Variants in PLEKHA5 observed in about 807,000 individuals in gnomAD.
The protein encoded by PLEKHA5 is pleckstrin homology domain-containing family A member 5.
PLEKHA5 carries 55 observed loss-of-function variants against 181.9 expected under a neutral mutation model. The ratio of observed to expected loss-of-function variants is 0.30; its 90% confidence interval spans 0.24 to 0.38. The LOEUF (loss-of-function observed/expected upper bound fraction) is 0.38, where lower values mean the gene tolerates loss of function less well. Among genes scored for constraint, PLEKHA5 ranks in the 10% least tolerant of loss-of-function variants. The probability of loss-of-function intolerance (pLI) is 1.00; values close to 1 mark genes in which losing one functional copy is unlikely to be tolerated. For synonymous variants in PLEKHA5, 535 were observed against 529.4 expected (o/e 1.01, Z -0.15); for missense variants, 1,432 against 1,549.5 (o/e 0.92, Z 1.27).
chr12:19,288,148 C>A (rs7960486), intron 13 of PLEKHA5: 37,058 of 289,638 alleles, frequency 0.13, 2,741 homozygotes, highest in South Asian at 0.17. Context: ...ATTCCCTTAT[C>A]CTTAAAACAG....
chr12:19,287,429 A>G lies in PLEKHA5; in HGVS notation c.1780-44A>G, dbSNP rs768897682. 6 of 1,225,540 alleles carry G rather than the reference A, an allele frequency of 4.9e-6. No individual in the cohort carries two copies. The South Asian group carries it at 5.1e-5, about 11-fold the overall frequency. 75.9% of individuals were successfully genotyped at this position (1,225,540 alleles called of 1,614,324 possible). A position where few individuals can be genotyped will look rare whatever the true frequency, so the allele number is the denominator to read the frequency against. ...CTCCTTGCTGACATTGATAAGAAAA[A>G]AAAAACTTTACCACAGAATTACATT... On this transcript the variant is annotated intron_variant, in intron 12 of 31. Transcript: ENST00000429027.
At chr12:19,306,572 A>T in intron 15 of PLEKHA5, 1 of 781,850 alleles carries the variant, frequency 1.3e-6, no homozygotes, top group Non-Finnish European at 2.3e-6. Context: ...CGTCCCCAGC[A>T]CTGCGGATCC....
intron 20 of PLEKHA5, among the ~76,000 whole-genome samples, chr12:19,323,196 C>G (rs1357811271): frequency 6.6e-6 from 1 of 151,936 alleles, no homozygotes; most frequent in African/African-American, 2.4e-5. Flanking sequence ...GAGTGTTTTA[C>G]AGGGGAGATG....
At chr12:19,211,539 C>T (rs1352224040) in intron 3 of PLEKHA5, among the ~76,000 whole-genome samples, 1 of 152,116 alleles carries the variant, frequency 6.6e-6, no homozygotes, top group Non-Finnish European at 1.5e-5. Flanking sequence ...TGGAATCCCT[C>T]TCAACACCTT....
At chr12:19,148,319 A>C (rs2039480113) in intron 3 of PLEKHA5, among the ~76,000 whole-genome samples, 1 of 152,236 alleles carries the variant, frequency 6.6e-6, no homozygotes, top group Non-Finnish European at 1.5e-5. Context: ...GGCCTCCCAA[A>C]GTGCTGGGAT....
At chr12:19,217,642 C>T (rs745432471) in intron 3 of PLEKHA5, among the ~76,000 whole-genome samples, 4 of 152,152 alleles carry the variant, frequency 2.6e-5, no homozygotes, top group Non-Finnish European at 5.9e-5. Context: ...GAATTCAGTG[C>T]TGCGGAAGCC....
chr12:19,351,960 C>A (rs2094614087), intron 25 of PLEKHA5, among the ~76,000 whole-genome samples: 1 of 151,274 alleles, frequency 6.6e-6, no homozygotes, highest in Non-Finnish European at 1.5e-5. Flanking sequence ...CCTGTAATCC[C>A]AGTTACTCAG....
intron 30 of PLEKHA5, among the ~76,000 whole-genome samples, chr12:19,367,625 G>A (rs1592660092): frequency 6.6e-6 from 1 of 151,588 alleles, no homozygotes; most frequent in East Asian, 1.9e-4. Flanking sequence ...TGTTGCCCAG[G>A]CTGGAGTGCA....
Position 19,320,023 on chromosome 12 carries a change from C to G in PLEKHA5, c.2121C>G (p.Phe707Leu). 8.2e-6 allele frequency: 11 copies of G among 1,334,200 alleles called. No homozygotes were observed. The highest frequency in any genetic ancestry group is 1.1e-5 in the Non-Finnish European group (11 of 976,316). 82.6% of individuals were successfully genotyped at this position (1,334,200 alleles called of 1,614,324 possible). A position where few individuals can be genotyped will look rare whatever the true frequency, so the allele number is the denominator to read the frequency against. ...CCTTTTCCTTCATTATCTTTTAGTT[C>G]TTAAGACAGAAGAGCAAGATAAGTC... ...SALRPQLYQQ[F>L]LRQKSKISLY... Residue 707 changes from phenylalanine to leucine, a missense_variant and splice_region_variant, in exon 17 of 32, where the codon TTC (phenylalanine) becomes TTG (leucine). This residue lies in a region of PLEKHA5 where 1,143 missense variants were observed against 1,168.4 expected (regional missense o/e 0.98). Transcript: ENST00000429027.
At chr12:19,211,357 G>T (rs1247602574) in intron 3 of PLEKHA5, among the ~76,000 whole-genome samples, 3 of 152,092 alleles carry the variant, frequency 2.0e-5, no homozygotes, top group African/African-American at 4.8e-5. Context: ...TGATCTTGGT[G>T]GGGAGGGCGG....
rs545694912 is a variant in PLEKHA5 at position 19,226,161 on chromosome 12, T to G, written c.228-27779T>G. 3.9e-5 allele frequency among the ~76,000 whole-genome samples: 6 copies of G among 152,304 alleles called. No individual in the cohort carries two copies. In the South Asian group the frequency reaches 1.2e-3, roughly 32 times the overall value. On this transcript the variant is annotated intron_variant, in intron 3 of 31. Coordinates refer to ENST00000429027, the MANE Select transcript of PLEKHA5 (RefSeq NM_001256470.2). The stretch of plus-strand genomic sequence containing the variant: ...CTTTCTGTCTCTATGGATTTACTAT[T>G]TGGGGCATTTCTTATAAATGAAATT...
rs187089855 is a variant in PLEKHA5 at position 19,325,931 on chromosome 12, C to T, written c.2448+3264C>T. ...CTGAGACAGGAGAATCGCTTGAACC[C>T]GGGAGGCTGAGGTTGCGGTAAGCCG... On this transcript the variant is annotated intron_variant, in intron 20 of 31. Transcript: ENST00000429027. Among the ~76,000 whole-genome samples, 56 of 152,016 alleles carry T rather than the reference C, an allele frequency of 3.7e-4. No homozygotes were observed. In the South Asian group the frequency reaches 8.1e-3, roughly 22 times the overall value.
At chr12:19,358,998 C>T (rs2095090033) in intron 27 of PLEKHA5, among the ~76,000 whole-genome samples, 1 of 152,196 alleles carries the variant, frequency 6.6e-6, no homozygotes, top group African/African-American at 2.4e-5. Flanking sequence ...TCAGTAGCTT[C>T]TGTCTGGTCT....
intron 3 of PLEKHA5, among the ~76,000 whole-genome samples, chr12:19,218,843 T>A (rs1420211940): frequency 1.3e-5 from 2 of 151,438 alleles, no homozygotes; most frequent in Admixed American, 6.6e-5. Flanking sequence ...TTCTGTTACA[T>A]TTTCCTCTAT....
Position 19,168,020 on chromosome 12 carries a change from G to A in PLEKHA5, c.227+35570G>A, listed in dbSNP as rs549799185. Among the ~76,000 whole-genome samples, 43 of 152,258 alleles carry A rather than the reference G, an allele frequency of 2.8e-4. 1 individual carries two copies. The South Asian group carries it at 7.5e-3, about 26-fold the overall frequency. ...GAAAGTATGATATGTATATCGGTTAGTGGAGAGACTAAAACTACTTCATAC... is the reference window on the plus strand; with the variant it reads ...GAAAGTATGATATGTATATCGGTTAATGGAGAGACTAAAACTACTTCATAC... On this transcript the variant is annotated intron_variant, in intron 3 of 31. Transcript: ENST00000429027.
At chr12:19,298,488 C>T (rs1225064114) in intron 15 of PLEKHA5, among the ~76,000 whole-genome samples, 1 of 147,098 alleles carries the variant, frequency 6.8e-6, no homozygotes, top group Non-Finnish European at 1.5e-5. Flanking sequence ...CCTGCCTCAG[C>T]CTCCCGAGTA....
At chr12:19,209,569 T>A (rs770911083) in intron 3 of PLEKHA5, among the ~76,000 whole-genome samples, 3 of 152,156 alleles carry the variant, frequency 2.0e-5, no homozygotes, top group Non-Finnish European at 4.4e-5. Flanking sequence ...AGAGCAGAGC[T>A]TCCAGTGGAA....
At chr12:19,261,643 G>T (rs2068533217) in intron 7 of PLEKHA5, among the ~76,000 whole-genome samples, 1 of 152,144 alleles carries the variant, frequency 6.6e-6, no homozygotes, top group African/African-American at 2.4e-5. Flanking sequence ...GGAAAAGTCT[G>T]TCTCAGCTAT....
chr12:19,226,045 C>T (rs926162142), intron 3 of PLEKHA5, among the ~76,000 whole-genome samples: 5 of 152,030 alleles, frequency 3.3e-5, no homozygotes, highest in East Asian at 1.9e-4. Flanking sequence ...TAAAAGTAAC[C>T]GTTTTAAAAT....
Sources: gnomAD v4.1 joint callset for allele counts (sites outside exome capture counted in the v4.1 genomes callset) on GRCh38, gnomAD v4.1.1 for gene constraint, gnomAD v4.1.1 regional missense constraint, MANE v1.5 for transcripts, NCBI Gene and HGNC (gene_info 2026-07-23, HGNC 2026-07-21) for gene names.